FGF13: variants seen among roughly 807,000 people sequenced by gnomAD.
FGF13 encodes fibroblast growth factor 13, also known as fibroblast growth factor homologous factor 2.
In FGF13, 2 loss-of-function variants were observed where a neutral mutation model predicts 19.5. The observed-to-expected ratio is 0.10, with a 90% CI of 0.04 to 0.32. The LOEUF is 0.32. Among genes scored for constraint, FGF13 ranks in the 10% least tolerant of loss-of-function variants. The pLI, the probability that FGF13 is intolerant of heterozygous loss-of-function variation, is 1.00. For missense variants in FGF13, 113 were observed against 192.7 expected, an observed-to-expected ratio of 0.59 and a Z score of 2.45; for synonymous variants, 72 against 76.9, an observed-to-expected ratio of 0.94 and a Z score of 0.33.
chrX:139,143,544 A>T (rs1303163285), intron 1 of FGF13, among the ~76,000 whole-genome samples: 1 of 112,337 alleles, frequency 8.9e-6, no homozygotes, highest in Non-Finnish European at 1.9e-5. Context: ...CAAAGTTCAA[A>T]AGGAAGTACT....
chrX:138,772,018 G>GTATATATATATATA (rs56411673), intron 3 of FGF13, among the ~76,000 whole-genome samples: 3 of 56,546 alleles, frequency 5.3e-5, no homozygotes, highest in Non-Finnish European at 7.0e-5. Context: ...ATACATATGT[G>GTATATATATATATA]TATATATATA....
chrX:138,977,723 G>A (rs1001920608), intron 1 of FGF13, among the ~76,000 whole-genome samples: 1 of 112,056 alleles, frequency 8.9e-6, no homozygotes, highest in African/African-American at 3.2e-5. Context: ...AGAAATGGGA[G>A]CAGAGCTAGA....
At chrX:138,954,095 C>CGAGAGAGAGAGAGA (rs199755534) in intron 1 of FGF13, among the ~76,000 whole-genome samples, 46 of 94,186 alleles carry the variant, frequency 4.9e-4, no homozygotes, top group African/African-American at 7.7e-4. Context: ...GTAAATTTAA[C>CGAGAGAGAGAGAGA]GAGAGAGAGA....
chrX:138,898,902 C>A (rs773960895), intron 1 of FGF13, among the ~76,000 whole-genome samples: 3 of 111,377 alleles, frequency 2.7e-5, no homozygotes, highest in South Asian at 7.6e-4. Context: ...CTCTTCTATG[C>A]CCCTATCAAA....
chrX:138,720,568 C>T (rs2090140581), intron 1 of FGF13, among the ~76,000 whole-genome samples: 1 of 111,944 alleles, frequency 8.9e-6, no homozygotes, highest in African/African-American at 3.2e-5. Context: ...AAATAGTTAA[C>T]TAAAACACAA....
At chrX:138,965,069 T>C (rs1316990051) in intron 1 of FGF13, among the ~76,000 whole-genome samples, 1 of 111,881 alleles carries the variant, frequency 8.9e-6, no homozygotes, top group African/African-American at 3.3e-5. Context: ...CTTAACCTGA[T>C]GAATTCCCAG....
intron 1 of FGF13, among the ~76,000 whole-genome samples, chrX:139,093,060 G>C (rs1245618951): frequency 1.8e-5 from 2 of 112,122 alleles, no homozygotes. Flanking sequence ...GCAGGGAAAA[G>C]AATAATAAAG....
chrX:139,068,126 G>A (rs1603178408), intron 1 of FGF13, among the ~76,000 whole-genome samples: 1 of 92,776 alleles, frequency 1.1e-5, no homozygotes, highest in Admixed American at 1.2e-4. Context: ...TAGGTCTAAC[G>A]TTTAAGTCTT....
At chrX:139,103,095 T>C (rs922340606) in intron 1 of FGF13, among the ~76,000 whole-genome samples, 1 of 111,745 alleles carries the variant, frequency 8.9e-6, no homozygotes, top group Non-Finnish European at 1.9e-5. Context: ...TTTCCCACAA[T>C]AAAATCCAAA....
chrX:138,947,081 T>G, intron 1 of FGF13, among the ~76,000 whole-genome samples: 1 of 111,909 alleles, frequency 8.9e-6, no homozygotes, highest in Non-Finnish European at 1.9e-5. Flanking sequence ...AAATTGTTTT[T>G]TCAATGTATA....
At chrX:139,195,177 G>GT (rs2084362205) in intron 1 of FGF13, among the ~76,000 whole-genome samples, 2 of 24 alleles carry the variant, frequency 0.083, no homozygotes. Flanking sequence ...CAGCGCGATC[G>GT]TCGGTTCCCA....
intron 1 of FGF13, among the ~76,000 whole-genome samples, chrX:138,909,102 T>TA (rs1316835380): frequency 8.9e-6 from 1 of 112,086 alleles, no homozygotes; most frequent in Non-Finnish European, 1.9e-5. Context: ...TGCTGGGGGT[T>TA]ACTGAGCTTC....
rs7891650 is a variant in FGF13, at chrX:139,004,615, A to G, written c.-112-139965T>C. Among the ~76,000 whole-genome samples, 1,093 of 112,540 alleles carry G rather than the reference A, an allele frequency of 9.7e-3. 12 individuals are homozygous for G. Among genetic ancestry groups the G allele is most frequent in the African/African-American group, 0.033 (1,032 of 31,010 alleles). On this transcript the variant is annotated intron_variant, in intron 1 of 2. Transcript: ENST00000421460. ...ACCAGCTCAGCCACAAAGGGACAGA[A>G]CACCAAGAGCGCTTTTGAGGTACTC...
chrX:139,202,941 C>T (rs1894467), intron 1 of FGF13, among the ~76,000 whole-genome samples: 4,538 of 103,045 alleles, frequency 0.044, 148 homozygotes, highest in African/African-American at 0.15. Context: ...GCGTCTGCTC[C>T]GTGGCCATTC....
chrX:138,851,751 T>G (rs929407538), intron 3 of FGF13, among the ~76,000 whole-genome samples: 1 of 111,809 alleles, frequency 8.9e-6, no homozygotes, highest in African/African-American at 3.3e-5. Context: ...TAAAGTGTAT[T>G]CAAATAGGAA....
chrX:138,961,337 C>T (rs1221841323), intron 1 of FGF13, among the ~76,000 whole-genome samples: 3 of 111,606 alleles, frequency 2.7e-5, no homozygotes, highest in South Asian at 7.6e-4. Flanking sequence ...GTATCACCAG[C>T]GGAGGCTGCA....
At chrX:138,721,511 G>A (rs1397263762) in intron 1 of FGF13, among the ~76,000 whole-genome samples, 1 of 110,877 alleles carries the variant, frequency 9.0e-6, no homozygotes, top group Non-Finnish European at 1.9e-5. Flanking sequence ...TTAAATCTCT[G>A]TTGTTCTACT....
Position 138,840,007 on chromosome X carries a change from C to T in FGF13, c.217+17505G>A, listed in dbSNP as rs531479266. 3.6e-5 allele frequency among the ~76,000 whole-genome samples: 4 copies of T among 111,701 alleles called. No homozygotes were observed. In the South Asian group the frequency reaches 1.1e-3, roughly 31 times the overall value. ...TTGAGGTGATATCTGGCCCAGATTG[C>T]ACTTTAGCAATGGTGGCTATGGTGT... On this transcript the variant is annotated intron_variant, in intron 3 of 6. Coordinates refer to the FGF13 transcript ENST00000436198.
intron 3 of FGF13, among the ~76,000 whole-genome samples, chrX:138,678,134 A>T (rs758869435): frequency 0.015 from 1,720 of 111,027 alleles, 26 homozygotes; most frequent in African/African-American, 0.053. Flanking sequence ...AACAATGAGA[A>T]CACATGGACA....
Sources: allele counts gnomAD v4.1 joint callset (sites outside exome capture counted in the v4.1 genomes callset), GRCh38; gene constraint gnomAD v4.1.1; transcripts MANE v1.5; gene names NCBI Gene and HGNC (gene_info 2026-07-23, HGNC 2026-07-21).